Variants in EYS observed in about 807,000 individuals in gnomAD.
EYS encodes protein eyes shut homolog.
A neutral mutation model predicts 282.1 loss-of-function variants in EYS; 250 were observed. The ratio of observed to expected loss-of-function variants is 0.89; its 90% CI spans 0.80 to 0.98. The LOEUF is 0.98. Ranked by LOEUF, EYS falls within the 50% of genes least tolerant of loss-of-function variation. EYS has a pLI of 0.00. For synonymous variants in EYS, 1,355 were observed against 1,282.9 expected, an observed-to-expected ratio of 1.06 and a Z score of -1.20; for missense variants, 4,016 against 3,709.0, an observed-to-expected ratio of 1.08 and a Z score of -2.15.
intron 13 of EYS, among the ~76,000 whole-genome samples, chr6:65,014,436 AG>A (rs918366914): frequency 6.6e-6 from 1 of 152,210 alleles, no homozygotes; most frequent in Non-Finnish European, 1.5e-5. Flanking sequence ...GTCAAATATA[AG>A]GGCCACTAAG....
chr6:64,280,990 A>G (rs1231892932), intron 30 of EYS, among the ~76,000 whole-genome samples: 1 of 152,144 alleles, frequency 6.6e-6, no homozygotes, highest in Admixed American at 6.6e-5. Flanking sequence ...TTCTGCAGCA[A>G]CTAACTATGG....
At chr6:64,443,808 A>T (rs1297272893) in intron 26 of EYS, among the ~76,000 whole-genome samples, 1 of 152,164 alleles carries the variant, frequency 6.6e-6, no homozygotes, top group African/African-American at 2.4e-5. Context: ...CTCCCCAGCC[A>T]TGTGGAACTG....
chr6:64,691,440 A>C (rs530150845), intron 22 of EYS, among the ~76,000 whole-genome samples: 3 of 152,260 alleles, frequency 2.0e-5, no homozygotes, highest in Admixed American at 2.0e-4. Context: ...TACAGTATAT[A>C]TGTACATATA....
intron 35 of EYS, among the ~76,000 whole-genome samples, chr6:63,879,057 T>C (rs1773058692): frequency 6.6e-6 from 1 of 152,156 alleles, no homozygotes; most frequent in Admixed American, 6.6e-5. Context: ...TTGGGAGCTG[T>C]AGACTGGAGC....
At chr6:65,328,947 T>C (rs987964240) in intron 11 of EYS, among the ~76,000 whole-genome samples, 7 of 151,292 alleles carry the variant, frequency 4.6e-5, no homozygotes, top group African/African-American at 1.7e-4. Flanking sequence ...AAAGGTCACC[T>C]TTTAAAGATT....
At chr6:65,660,494 G>A (rs1005664802) in intron 1 of EYS, among the ~76,000 whole-genome samples, 2 of 151,618 alleles carry the variant, frequency 1.3e-5, no homozygotes, top group African/African-American at 2.4e-5. Flanking sequence ...ATAACTATAC[G>A]CCTTTTTGAA....
At chr6:65,541,925 C>A (rs1768182900) in intron 2 of EYS, among the ~76,000 whole-genome samples, 1 of 152,050 alleles carries the variant, frequency 6.6e-6, no homozygotes, top group Non-Finnish European at 1.5e-5. Flanking sequence ...ACCTGGGAAC[C>A]TGGAATGATA....
At chr6:65,699,582 G>GGT (rs1769582965) in intron 1 of EYS, among the ~76,000 whole-genome samples, 2 of 152,126 alleles carry the variant, frequency 1.3e-5, no homozygotes, top group African/African-American at 4.8e-5. Flanking sequence ...AGAATAACCT[G>GGT]GTGTGTGTAA....
At chr6:65,425,720 A>C (rs1158972803) in intron 5 of EYS, among the ~76,000 whole-genome samples, 1 of 152,084 alleles carries the variant, frequency 6.6e-6, no homozygotes, top group Non-Finnish European at 1.5e-5. Context: ...TTTGATGGAC[A>C]AGTGTTTATA....
At chr6:64,773,676 T>G (rs555380471) in intron 22 of EYS, among the ~76,000 whole-genome samples, 30 of 152,058 alleles carry the variant, frequency 2.0e-4, no homozygotes, top group Non-Finnish European at 3.1e-4. Context: ...TTCTGACTGT[T>G]GTGAGATGGT....
rs1047190586 is a variant in EYS at position 63,958,053 on chromosome 6, T to C, written c.7055+26330A>G. 8.5e-5 allele frequency among the ~76,000 whole-genome samples: 12 copies of C among 140,710 alleles called. 4 individuals are homozygous for C. The highest frequency in any genetic ancestry group is 1.9e-4 in the Non-Finnish European group (12 of 61,958). 92.3% of individuals were successfully genotyped at this position (140,710 alleles called of 152,430 possible). On this transcript the variant is annotated intron_variant, in intron 35 of 42. Coordinates refer to ENST00000503581, the MANE Select transcript of EYS (RefSeq NM_001142800.2). Reference sequence around the variant, plus strand: ...CAAGAACAAGAATTTTCAAGACGTTTATAGATAGATGTTTATATAATCTAT... The same window carrying C: ...CAAGAACAAGAATTTTCAAGACGTTCATAGATAGATGTTTATATAATCTAT...
At chr6:64,237,231 T>A (rs1766638782) in intron 30 of EYS, among the ~76,000 whole-genome samples, 1 of 152,312 alleles carries the variant, frequency 6.6e-6, no homozygotes, top group Non-Finnish European at 1.5e-5. Flanking sequence ...TCCACTTAAA[T>A]TAAAAGTAGT....
At chr6:65,631,531 G>A (rs1015296818) in intron 2 of EYS, among the ~76,000 whole-genome samples, 1 of 151,634 alleles carries the variant, frequency 6.6e-6, no homozygotes, top group African/African-American at 2.4e-5. Flanking sequence ...TGGGAGGTGA[G>A]TTTTACTTGA....
At chr6:64,085,151 C>T (rs1172173599) in intron 31 of EYS, among the ~76,000 whole-genome samples, 1 of 151,680 alleles carries the variant, frequency 6.6e-6, no homozygotes, top group Admixed American at 6.6e-5. Context: ...CTAATTTTTG[C>T]ATTTTTAGTA....
chr6:65,686,477 T>C (rs1415739932), intron 1 of EYS, among the ~76,000 whole-genome samples: 1 of 152,114 alleles, frequency 6.6e-6, no homozygotes, highest in Non-Finnish European at 1.5e-5. Context: ...GACGCGATTA[T>C]GTGGTTATGC....
At chr6:64,493,110 G>GA (rs970263172) in intron 26 of EYS, among the ~76,000 whole-genome samples, 1 of 151,114 alleles carries the variant, frequency 6.6e-6, no homozygotes, top group Admixed American at 6.6e-5. Flanking sequence ...GAGCATTGAG[G>GA]AAAAAAAGTA....
chr6:64,171,880 G>A (rs1216343467), intron 31 of EYS, among the ~76,000 whole-genome samples: 1 of 152,136 alleles, frequency 6.6e-6, no homozygotes, highest in Non-Finnish European at 1.5e-5. Flanking sequence ...CACCTTTCCA[G>A]CGTTCACATC....
chr6:64,414,254 A>G (rs1014204927), intron 28 of EYS, among the ~76,000 whole-genome samples: 5 of 152,168 alleles, frequency 3.3e-5, no homozygotes, highest in African/African-American at 4.8e-5. Flanking sequence ...AAGTTATTAG[A>G]TATTTCATAG....
intron 24 of EYS, among the ~76,000 whole-genome samples, chr6:64,616,108 T>C (rs184736165): frequency 3.3e-5 from 5 of 152,294 alleles, no homozygotes; most frequent in Admixed American, 1.3e-4. Flanking sequence ...ACATATCATA[T>C]GTAAAATAAG....
Sources: allele counts gnomAD v4.1 joint callset (sites outside exome capture counted in the v4.1 genomes callset), GRCh38; gene constraint gnomAD v4.1.1; transcripts MANE v1.5; gene names NCBI Gene and HGNC (gene_info 2026-07-23, HGNC 2026-07-21).